BTD: variants seen among roughly 807,000 people sequenced by gnomAD.
BTD encodes biocytinase.
BTD carries 13 observed loss-of-function variants against 17.7 expected under a neutral mutation model. The observed-to-expected ratio is 0.74, with a 90% CI of 0.48 to 1.17. The LOEUF (loss-of-function observed/expected upper bound fraction) is 1.17, where lower values mean the gene tolerates loss of function less well. BTD is among the 50% of genes most tolerant of loss of function. The pLI is 0.00. For synonymous variants in BTD, 240 were observed against 245.2 expected, an observed-to-expected ratio of 0.98 and a Z score of 0.20; for missense variants, 674 against 650.4, an observed-to-expected ratio of 1.04 and a Z score of -0.39.
At chr3:15,638,764 A>G (rs1366116200) in intron 2 of BTD, among the ~76,000 whole-genome samples, 1 of 152,256 alleles carries the variant, frequency 6.6e-6, no homozygotes, top group Non-Finnish European at 1.5e-5. Context: ...GGTACGGCCT[A>G]CTATGCGCCT....
intron 3 of BTD, chr3:15,689,792 A>C (rs1428142356): frequency 6.3e-6 from 3 of 479,598 alleles, no homozygotes; most frequent in African/African-American, 1.9e-5. Context: ...CACTGTATTT[A>C]AGTTCCCTGA....
intron 3 of BTD, chr3:15,686,527 C>A (rs1379339171): frequency 1.8e-6 from 1 of 559,822 alleles, no homozygotes; most frequent in East Asian, 3.2e-5. Context: ...GACAGGCAGA[C>A]CGCCTACCCA....
rs374047871 is a variant in BTD at position 15,645,512 on chromosome 3, G to A, written c.*24G>A. On this transcript the variant is annotated 3_prime_UTR_variant, in exon 4 of 4. Transcript: ENST00000643237. ...AGGAAAAGTGTGTGGTCTGTGGGGC[G>A]GACTCTGGCCATCATGTTGACAGCC... 54 of 1,598,984 alleles carry A rather than the reference G, an allele frequency of 3.4e-5. No individual in the cohort carries two copies. The African/African-American group carries it at 4.0e-4, about 12-fold the overall frequency.
chr3:15,693,715 T>C (rs965406838), intron 3 of BTD, among the ~76,000 whole-genome samples: 6 of 152,118 alleles, frequency 3.9e-5, no homozygotes, highest in African/African-American at 2.4e-5. Context: ...TTATTTACTA[T>C]GCATGTCTGG....
intron 3 of BTD, chr3:15,667,776 C>G (rs1053279737): frequency 3.3e-5 from 5 of 152,150 alleles, no homozygotes; most frequent in African/African-American, 4.8e-5. Context: ...GTGGCATTCG[C>G]AAGAACTACC....
At chr3:15,604,130 C>T (rs2064368900) in intron 1 of BTD, among the ~76,000 whole-genome samples, 1 of 152,246 alleles carries the variant, frequency 6.6e-6, no homozygotes, top group Non-Finnish European at 1.5e-5. Flanking sequence ...GGCTCCCACC[C>T]CACATTTCCC....
At position 15,644,889 on chromosome 3, in the gene BTD, A is replaced by T. The variant is rs1233728221; in HGVS notation, c.973A>T (p.Ile325Phe). 1.2e-6 allele frequency: 2 copies of T among 1,613,676 alleles called. No homozygotes were observed. The highest frequency in any genetic ancestry group is 2.2e-5 in the East Asian group (1 of 44,880). The change falls in exon 4 of 4, where the codon ATT becomes TTT. Residue 325 changes from isoleucine to phenylalanine, a missense_variant. Ile to Phe is a conservative substitution (Grantham distance 21). Transcript: ENST00000643237. The stretch of plus-strand genomic sequence containing the variant: ...GGTGGCCAAAAATCCAGTGGGTCTC[A>T]TTGGTGCAGAGAATGCAACAGGTGA... Reference protein sequence around the residue: ...AQVAKNPVGLIGAENATGETD... With the variant: ...AQVAKNPVGLFGAENATGETD...
exon 4 of BTD, among the ~76,000 whole-genome samples, chr3:15,712,572 C>A (rs2072456964): frequency 6.6e-6 from 1 of 152,132 alleles, no homozygotes; most frequent in Non-Finnish European, 1.5e-5. Context: ...ATTGTGACAA[C>A]CAAAAATGTA....
At chr3:15,633,514 C>T (rs928682465) in intron 1 of BTD, among the ~76,000 whole-genome samples, 1 of 152,210 alleles carries the variant, frequency 6.6e-6, no homozygotes, top group Non-Finnish European at 1.5e-5. Flanking sequence ...TTTGCGGTTT[C>T]CTTGTTTTGC....
At chr3:15,658,726 G>A (rs780579834) in intron 3 of BTD, among the ~76,000 whole-genome samples, 3 of 152,120 alleles carry the variant, frequency 2.0e-5, no homozygotes, top group African/African-American at 4.8e-5. Context: ...CTGGGAAAAC[G>A]AACTGCTCTC....
intron 3 of BTD, among the ~76,000 whole-genome samples, chr3:15,691,259 G>A (rs1472077280): frequency 6.6e-6 from 1 of 152,112 alleles, no homozygotes; most frequent in Non-Finnish European, 1.5e-5. Context: ...GAGTAGCTGG[G>A]ATTACAGGCG....
chr3:15,695,228 C>A, intron 3 of BTD: 1 of 1,561,434 alleles, frequency 6.4e-7, no homozygotes, highest in South Asian at 1.2e-5. Context: ...AAATAAAAGT[C>A]AAAACAAAAA....
Position 15,688,716 on chromosome 3 carries a change from T to C in BTD, c.400-21344T>C, listed in dbSNP as rs538645114. On this transcript the variant is annotated intron_variant, in intron 3 of 3. Coordinates refer to the BTD transcript ENST00000672141. The stretch of plus-strand genomic sequence containing the variant: ...ATTCTTAAGGATCACTCTATAAAAA[T>C]AGAGAGTTGTGAATCTGCATCTGCC... Among the ~76,000 whole-genome samples, 7 of 152,246 alleles carry C rather than the reference T, an allele frequency of 4.6e-5. 1 individual carries two copies. The South Asian group carries it at 1.2e-3, about 27-fold the overall frequency.
chr3:15,652,553 T>C lies in BTD; in HGVS notation c.*7065T>C, dbSNP rs1313628609. Among the ~76,000 whole-genome samples, 4 of 152,194 alleles carry C rather than the reference T, an allele frequency of 2.6e-5. No individual in the cohort carries two copies. Among genetic ancestry groups the C allele is most frequent in the Non-Finnish European group, 5.9e-5 (4 of 68,028 alleles). ...GCCCTGGGAAACGACTGCAACCTCA[T>C]GAGAGACCCTGAGCCGGAACCACCC... On this transcript the variant is annotated 3_prime_UTR_variant, in exon 4 of 4. Transcript: ENST00000643237.
At chr3:15,622,881 AATGACTAT>A (rs2064985177) in intron 1 of BTD, among the ~76,000 whole-genome samples, 2 of 152,192 alleles carry the variant, frequency 1.3e-5, no homozygotes, top group South Asian at 4.1e-4. Context: ...GCTTTCTCTT[AATGACTAT>A]GTTAGTCTGT....
chr3:15,621,235 C>T (rs907686748), intron 1 of BTD, among the ~76,000 whole-genome samples: 1 of 152,170 alleles, frequency 6.6e-6, no homozygotes, highest in African/African-American at 2.4e-5. Context: ...AACATTTTAC[C>T]AGGTTTCTAC....
rs775073319 is a variant in BTD at position 15,644,468 on chromosome 3, A to T, written c.552A>T (p.Gly184=). Residue 184 remains glycine, a synonymous_variant, in exon 4 of 4, where the codon GGA becomes GGT. Coordinates refer to ENST00000643237, the MANE Select transcript of BTD (RefSeq NM_001370658.1). The part of the protein sequence containing the change: ...FNTNVVFSNN[G]TLVDRYRKHN... ...CAAATGTCGTGTTCAGCAATAATGGAACCCTTGTTGACCGCTACCGTAAAC... is the reference window on the plus strand; with the variant it reads ...CAAATGTCGTGTTCAGCAATAATGGTACCCTTGTTGACCGCTACCGTAAAC... The T allele has an allele frequency of 1.9e-6, 3 of 1,614,020 alleles. No individual in the cohort carries two copies. The highest frequency in any genetic ancestry group is 2.5e-6 in the Non-Finnish European group (3 of 1,180,004).
downstream of BTD, among the ~76,000 whole-genome samples, chr3:15,717,611 A>G (rs1294622942): frequency 6.6e-6 from 1 of 152,158 alleles, no homozygotes; most frequent in Non-Finnish European, 1.5e-5. Flanking sequence ...AAAAACAGTA[A>G]CTACAAGCCA....
Position 15,645,051 on chromosome 3 carries a change from A to T in BTD, c.1135A>T (p.Met379Leu), listed in dbSNP as rs1295528438. The T allele has an allele frequency of 1.2e-6, 2 of 1,614,194 alleles. No homozygotes were observed. The highest frequency in any genetic ancestry group is 1.3e-5 in the African/African-American group (1 of 75,038). ...TCCTCCCACATTTCACTCTGAGATG[A>T]TGTATGACAATTTCACCCTGGTCCC... ...NAPPTFHSEM[M>L]YDNFTLVPVW... The change falls in exon 4 of 4, where the codon ATG (methionine) becomes TTG (leucine). Residue 379 changes from methionine (M) to leucine (L), a missense_variant. Met to Leu is a conservative substitution (Grantham distance 15). Coordinates refer to ENST00000643237, the MANE Select transcript of BTD (RefSeq NM_001370658.1).
Sources: allele counts gnomAD v4.1 joint callset (sites outside exome capture counted in the v4.1 genomes callset), GRCh38; gene constraint gnomAD v4.1.1; transcripts MANE v1.5; gene names NCBI Gene and HGNC (gene_info 2026-07-23, HGNC 2026-07-21).